The following RBFOX1 variants were observed in gnomAD, a reference collection of about 807,000 sequenced individuals.
The protein encoded by RBFOX1 is RNA binding fox-1 homolog 1.
Under a neutral mutation model 57.7 loss-of-function variants are expected in RBFOX1, and 8 were observed. That is an observed-to-expected ratio of 0.14 (90% confidence interval 0.08 to 0.25). The LOEUF (loss-of-function observed/expected upper bound fraction) is 0.25. RBFOX1 is among the 10% of genes least tolerant of loss of function. The pLI is 1.00. For missense variants in RBFOX1, 611 were observed against 548.5 expected, an observed-to-expected ratio of 1.11 and a Z score of -1.14; for synonymous variants, 326 against 222.4, an observed-to-expected ratio of 1.47 and a Z score of -4.15.
chr16:5,953,040 T>A (rs2152278551), intron 4 of RBFOX1, among the ~76,000 whole-genome samples: 1 of 150,916 alleles, frequency 6.6e-6, no homozygotes, highest in East Asian at 2.0e-4. Flanking sequence ...CATGGTAGAA[T>A]CTCCTGCGGA....
chr16:6,048,963 G>A (rs1482174370), intron 1 of RBFOX1, among the ~76,000 whole-genome samples: 1 of 151,844 alleles, frequency 6.6e-6, no homozygotes, highest in African/African-American at 2.4e-5. Context: ...CCCTTGGAAG[G>A]AGCAATGTCA....
chr16:7,106,204 C>T lies in RBFOX1; in HGVS notation c.27+54106C>T, dbSNP rs181482722. Reference sequence around the variant, plus strand: ...TTTCCTGTGGGCTCTTTTTTGTTTTCGTGTGTCAGGTTCATAATGACTGTG... The same window carrying T: ...TTTCCTGTGGGCTCTTTTTTGTTTTTGTGTGTCAGGTTCATAATGACTGTG... On this transcript the variant is annotated intron_variant, in intron 4 of 15. Transcript: ENST00000550418. Among the ~76,000 whole-genome samples, 608 of 152,104 alleles carry T rather than the reference C, an allele frequency of 4.0e-3. 3 individuals are homozygous for T. The highest frequency in any genetic ancestry group is 5.8e-3 in the Non-Finnish European group (396 of 67,964).
intron 3 of RBFOX1, among the ~76,000 whole-genome samples, chr16:6,972,827 A>C (rs2085884913): frequency 6.6e-6 from 1 of 152,084 alleles, no homozygotes; most frequent in Non-Finnish European, 1.5e-5. Flanking sequence ...TTTTTCAATA[A>C]AACCAGAGAC....
intron 3 of RBFOX1, among the ~76,000 whole-genome samples, chr16:5,646,200 T>A (rs2049051024): frequency 6.8e-6 from 1 of 147,796 alleles, no homozygotes; most frequent in Non-Finnish European, 1.5e-5. Context: ...TTTTTTTTTG[T>A]ATTTTTAGTG....
chr16:7,145,226 A>T (rs530226964), intron 4 of RBFOX1, among the ~76,000 whole-genome samples: 1 of 152,094 alleles, frequency 6.6e-6, no homozygotes, highest in South Asian at 2.1e-4. Context: ...TGTTTTTGAG[A>T]TGGAGTCTTG....
intron 2 of RBFOX1, among the ~76,000 whole-genome samples, chr16:6,529,565 A>G: frequency 1.1e-5 from 1 of 92,822 alleles, no homozygotes; most frequent in South Asian, 3.6e-4. Context: ...AAATAATAAT[A>G]ATAATTATTA....
intron 3 of RBFOX1, among the ~76,000 whole-genome samples, chr16:6,973,417 G>A (rs952191797): frequency 1.3e-5 from 2 of 152,138 alleles, no homozygotes; most frequent in South Asian, 2.1e-4. Flanking sequence ...CAATCAGGAA[G>A]CATTCTTCCC....
chr16:5,793,505 C>G (rs1400280828), intron 3 of RBFOX1, among the ~76,000 whole-genome samples: 1 of 152,238 alleles, frequency 6.6e-6, no homozygotes, highest in Non-Finnish European at 1.5e-5. Context: ...GGCCAGAGTC[C>G]TGAATCAGAG....
chr16:5,828,050 T>C (rs1194268760), intron 3 of RBFOX1, among the ~76,000 whole-genome samples: 2 of 149,890 alleles, frequency 1.3e-5, no homozygotes, highest in African/African-American at 2.5e-5. Flanking sequence ...TCCATCCATC[T>C]ACCCACCCAT....
At chr16:6,175,243 G>C (rs988439699) in intron 1 of RBFOX1, among the ~76,000 whole-genome samples, 1 of 152,134 alleles carries the variant, frequency 6.6e-6, no homozygotes, top group Non-Finnish European at 1.5e-5. Flanking sequence ...GAAAGAAAAA[G>C]GATGGTCTCC....
chr16:7,223,826 ATTT>A lies in RBFOX1; in HGVS notation c.27+171736_27+171738del, dbSNP rs35954368. ...GGAGCACTTCCTAAACCAAAAGAGC[ATTT>A]TTTTTTTGGTAGAAATAGCCATTTA... On this transcript the variant is annotated intron_variant, in intron 4 of 15. Coordinates refer to ENST00000550418, the MANE Select transcript of RBFOX1 (RefSeq NM_018723.4). Among the ~76,000 whole-genome samples, 42 of 150,742 alleles carry A rather than the reference ATTT, an allele frequency of 2.8e-4. No individual in the cohort carries two copies. In the East Asian group the frequency reaches 6.3e-3, roughly 22 times the overall value.
At chr16:7,401,380 C>T (rs537624275) in intron 4 of RBFOX1, among the ~76,000 whole-genome samples, 2 of 152,302 alleles carry the variant, frequency 1.3e-5, no homozygotes, top group East Asian at 3.9e-4. Context: ...AGACTTTTCT[C>T]TGATAAACTT....
chr16:6,973,957 G>T (rs538478665), intron 3 of RBFOX1, among the ~76,000 whole-genome samples: 1 of 152,194 alleles, frequency 6.6e-6, no homozygotes, highest in East Asian at 1.9e-4. Flanking sequence ...ACCCCAGTGT[G>T]TGGTGTTCCC....
chr16:5,540,569 T>C (rs1350180090), intron 2 of RBFOX1, among the ~76,000 whole-genome samples: 4 of 152,128 alleles, frequency 2.6e-5, no homozygotes, highest in Non-Finnish European at 5.9e-5. Flanking sequence ...TAACGGATCT[T>C]TAGTGGTATT....
chr16:6,519,228 G>C (rs1304963325), intron 2 of RBFOX1, among the ~76,000 whole-genome samples: 4 of 152,076 alleles, frequency 2.6e-5, no homozygotes, highest in Non-Finnish European at 5.9e-5. Flanking sequence ...CTACCACACT[G>C]GGTTGAGTGA....
chr16:5,958,824 A>G (rs61044165), intron 4 of RBFOX1, among the ~76,000 whole-genome samples: 2,651 of 152,080 alleles, frequency 0.017, 73 homozygotes, highest in African/African-American at 0.06. Flanking sequence ...CTCTGATACT[A>G]TTGTCTCTGC....
intron 3 of RBFOX1, among the ~76,000 whole-genome samples, chr16:6,862,261 C>T (rs140684014): frequency 6.2e-4 from 95 of 152,238 alleles, no homozygotes; most frequent in Admixed American, 2.2e-3. Context: ...CCTAGGCCAC[C>T]TCCAGAGATT....
intron 3 of RBFOX1, among the ~76,000 whole-genome samples, chr16:6,916,141 G>C (rs1389603209): frequency 6.6e-6 from 1 of 152,138 alleles, no homozygotes; most frequent in African/African-American, 2.4e-5. Flanking sequence ...CCCTCCAGGA[G>C]AGGCAAGAAT....
intron 3 of RBFOX1, among the ~76,000 whole-genome samples, chr16:6,689,113 T>C (rs1423410770): frequency 6.6e-6 from 1 of 152,236 alleles, no homozygotes; most frequent in East Asian, 1.9e-4. Flanking sequence ...TGCATATGTC[T>C]TTATAGCAGA....
Sources: gnomAD v4.1 joint callset for allele counts (sites outside exome capture counted in the v4.1 genomes callset) on GRCh38, gnomAD v4.1.1 for gene constraint, MANE v1.5 for transcripts, NCBI Gene and HGNC (gene_info 2026-07-23, HGNC 2026-07-21) for gene names.